STOX2: variants seen among roughly 807,000 people sequenced by gnomAD.
STOX2 encodes storkhead box 2.
A neutral mutation model predicts 60.9 loss-of-function variants in STOX2; 28 were observed. That is an observed-to-expected ratio of 0.46 (90% CI 0.34 to 0.63). The LOEUF (loss-of-function observed/expected upper bound fraction) is 0.63. Ranked by LOEUF, STOX2 falls within the 30% of genes least tolerant of loss-of-function variation. STOX2 has a pLI of 0.01. For missense variants in STOX2, 1,024 were observed against 1,187.7 expected (o/e 0.86, Z 2.03); for synonymous variants, 472 against 463.9 (o/e 1.02, Z -0.22).
Position 183,836,456 on chromosome 4 carries a change from T to C in STOX2, c.364+38401T>C, listed in dbSNP as rs1167897267. On this transcript the variant is annotated intron_variant, in intron 1 of 2. Transcript: ENST00000513034. This position sits in a 1 kb window ranked among gnomAD's most constrained non-coding sequence, Gnocchi z 4.1. ...GGCTTAACACATTAAGCCTCATTTC[T>C]TCTTCTGCAAAGTCTATGCTCCAGG... Among the ~76,000 whole-genome samples the C allele has an allele frequency of 6.6e-6, 1 of 152,216 alleles. No homozygotes were observed. The highest frequency in any genetic ancestry group is 6.5e-5 in the Admixed American group (1 of 15,284).
chr4:183,840,762 G>T (rs1307099952), intron 1 of STOX2, among the ~76,000 whole-genome samples: 1 of 152,186 alleles, frequency 6.6e-6, no homozygotes, highest in African/African-American at 2.4e-5. Flanking sequence ...CTTGAGACTT[G>T]GTCTTAATCT....
intron 1 of STOX2, among the ~76,000 whole-genome samples, chr4:183,843,913 A>T (rs1296570985): frequency 6.6e-6 from 1 of 151,998 alleles, no homozygotes; most frequent in Middle Eastern, 3.2e-3. Flanking sequence ...TACTTACTTA[A>T]TTTTTTATAC....
intron 1 of STOX2, among the ~76,000 whole-genome samples, chr4:183,940,581 G>A (rs1294402975): frequency 6.6e-6 from 1 of 152,068 alleles, no homozygotes; most frequent in Non-Finnish European, 1.5e-5. Context: ...TCACAAAGAT[G>A]TTGTCATCAA....
At chr4:183,868,756 C>A (rs1471011228) in intron 1 of STOX2, among the ~76,000 whole-genome samples, 1 of 152,182 alleles carries the variant, frequency 6.6e-6, no homozygotes, top group Admixed American at 6.5e-5. Flanking sequence ...GTGTATAGCT[C>A]CTCGTAGCAA....
At chr4:183,854,526 G>A (rs1740240187) in intron 1 of STOX2, among the ~76,000 whole-genome samples, 2 of 152,180 alleles carry the variant, frequency 1.3e-5, no homozygotes. Context: ...GCAGGGGGCA[G>A]GGGGGATGGT....
intron 1 of STOX2, among the ~76,000 whole-genome samples, chr4:183,809,439 A>C (rs11946128): frequency 0.23 from 35,064 of 151,844 alleles, 4,224 homozygotes; most frequent in African/African-American, 0.3. Flanking sequence ...TTGCTCTGTC[A>C]CCAGGCTGGA....
At chr4:183,982,710 G>C (rs1046642366) in intron 1 of STOX2, among the ~76,000 whole-genome samples, 1 of 152,174 alleles carries the variant, frequency 6.6e-6, no homozygotes, top group Non-Finnish European at 1.5e-5. Context: ...TGAAACTCAT[G>C]CATTTCTGAT....
intron 1 of STOX2, among the ~76,000 whole-genome samples, chr4:183,997,333 G>A (rs1201239502): frequency 2.6e-5 from 4 of 152,244 alleles, no homozygotes; most frequent in Admixed American, 1.3e-4. Context: ...TGCCTGACAT[G>A]TTCAAAGAAC....
intron 1 of STOX2, among the ~76,000 whole-genome samples, chr4:183,943,120 C>T (rs933141939): frequency 6.6e-6 from 1 of 152,140 alleles, no homozygotes; most frequent in African/African-American, 2.4e-5. Context: ...GAAGAGAACA[C>T]TGACATAATT....
intron 2 of STOX2, among the ~76,000 whole-genome samples, chr4:184,007,361 G>A (rs1254138321): frequency 6.6e-6 from 1 of 152,132 alleles, no homozygotes; most frequent in East Asian, 1.9e-4. Context: ...TGACCCAGGT[G>A]TTCTAGGTTG....
At chr4:183,910,583 T>C (rs1228908653) in intron 1 of STOX2, among the ~76,000 whole-genome samples, 1 of 152,188 alleles carries the variant, frequency 6.6e-6, no homozygotes, top group Non-Finnish European at 1.5e-5. Context: ...GACATCCTTA[T>C]TGATCAAGCA....
intron 1 of STOX2, among the ~76,000 whole-genome samples, chr4:183,985,093 G>A (rs1218349926): frequency 6.6e-6 from 1 of 152,068 alleles, no homozygotes; most frequent in African/African-American, 2.4e-5. Flanking sequence ...CTACTCAGGG[G>A]CAGTCGTTAG....
chr4:183,841,699 A>C lies in STOX2; in HGVS notation c.364+43644A>C, dbSNP rs1045981734. On this transcript the variant is annotated intron_variant, in intron 1 of 2. Coordinates refer to the STOX2 transcript ENST00000513034. ...AGAAAATAGAGACAGAAAAAAATAC[A>C]CAGCTTATTAAGGCATTCCAAAATA... is the stretch of plus-strand genomic sequence containing the variant. Among the ~76,000 whole-genome samples, 4 of 152,250 alleles carry C rather than the reference A, an allele frequency of 2.6e-5. No homozygotes were observed. In the South Asian group the frequency reaches 8.3e-4, roughly 31 times the overall value.
chr4:184,005,386 A>G, intron 2 of STOX2, among the ~76,000 whole-genome samples: 1 of 132,324 alleles, frequency 7.6e-6, no homozygotes, highest in African/African-American at 2.7e-5. Context: ...TTGAACCCGG[A>G]GGTGGAGGTT....
intron 1 of STOX2, among the ~76,000 whole-genome samples, chr4:183,866,380 A>G (rs1307623170): frequency 6.6e-6 from 1 of 152,172 alleles, no homozygotes; most frequent in East Asian, 1.9e-4. Flanking sequence ...AATGTTCTCC[A>G]TGGAGAACCT....
At chr4:184,015,569 G>A (rs2111259637) in intron 3 of STOX2, 1 of 152,208 alleles carries the variant, frequency 6.6e-6, no homozygotes, top group East Asian at 1.9e-4. Flanking sequence ...ATTAACTCTT[G>A]GCTTCTTGGT....
chr4:183,960,690 A>G (rs756945428), intron 1 of STOX2, among the ~76,000 whole-genome samples: 4 of 152,182 alleles, frequency 2.6e-5, no homozygotes, highest in Non-Finnish European at 5.9e-5. Context: ...TTTATCTATA[A>G]TGAGTCGTAA....
chr4:183,799,599 G>T (rs746332610), intron 1 of STOX2, among the ~76,000 whole-genome samples: 9 of 151,600 alleles, frequency 5.9e-5, no homozygotes, highest in Admixed American at 1.3e-4. Context: ...TCAACGTTCC[G>T]CTCCAAAAAG....
In STOX2 at chr4:184,009,360, A is replaced by T. The variant is rs752914957; in HGVS notation, c.522A>T (p.Gln174His). ...IPDRSQCTSPQPGTITPSASG... is the reference protein window; with the variant it reads ...IPDRSQCTSPHPGTITPSASG... ...ACCGGTCTCAGTGCACCTCTCCGCAACCCGGGACCATCACGCCCTCTGCCT... is the reference window on the plus strand; with the variant it reads ...ACCGGTCTCAGTGCACCTCTCCGCATCCCGGGACCATCACGCCCTCTGCCT... Residue 174 changes from glutamine to histidine, a missense_variant, in exon 3 of 4, where the codon CAA (glutamine) becomes CAT (histidine). Physicochemically the swap from Gln to His is conservative, Grantham distance 24 (BLOSUM62 0). Transcript: ENST00000308497. The surrounding 1 kb of genome is among the most constrained non-coding windows in gnomAD (Gnocchi z 4.0). 1 of 1,613,978 alleles carries T rather than the reference A, an allele frequency of 6.2e-7. No individual in the cohort carries two copies. The highest frequency in any genetic ancestry group is 1.7e-5 in the Admixed American group (1 of 60,020).
Sources: gnomAD v4.1 joint callset for allele counts (sites outside exome capture counted in the v4.1 genomes callset) on GRCh38, gnomAD v4.1.1 for gene constraint, Gnocchi (gnomAD v3.1) non-coding constraint, MANE v1.5 for transcripts, NCBI Gene and HGNC (gene_info 2026-07-23, HGNC 2026-07-21) for gene names.